KIR2DL1: variants seen among roughly 807,000 people sequenced by gnomAD.
The protein encoded by KIR2DL1 is killer cell immunoglobulin like receptor, two Ig domains and long cytoplasmic tail 1, also known as killer cell immunoglobulin-like receptor 2DL1.
A neutral mutation model predicts 33.9 loss-of-function variants in KIR2DL1; 38 were observed. That is an observed-to-expected ratio of 1.12 (90% CI 0.86 to 1.47). KIR2DL1 has a LOEUF of 1.47. Among genes scored for constraint, KIR2DL1 ranks in the 40% most tolerant of loss-of-function variants. The probability of loss-of-function intolerance (pLI) is 0.00; values close to 1 mark genes in which losing one functional copy is unlikely to be tolerated. For missense variants in KIR2DL1, 531 were observed against 433.9 expected (o/e 1.22, Z -1.99); for synonymous variants, 179 against 165.9 (o/e 1.08, Z -0.61).
chr19:54,777,345 G>A (rs1292191206), intron 4 of KIR2DL1, among the ~76,000 whole-genome samples: 1 of 147,868 alleles, frequency 6.8e-6, no homozygotes, highest in Non-Finnish European at 1.5e-5. Flanking sequence ...CCCACCTCAG[G>A]TTCTCAAAGT....
chr19:54,770,255 T>C (rs1268048790), intron 1 of KIR2DL1, among the ~76,000 whole-genome samples: 1 of 120,412 alleles, frequency 8.3e-6, no homozygotes, highest in Non-Finnish European at 1.7e-5. Flanking sequence ...GGGCCTGAAG[T>C]GGAGACATGG....
chr19:54,780,225 A>T (rs2076792881), intron 5 of KIR2DL1: 1 of 476,756 alleles, frequency 2.1e-6, no homozygotes, highest in South Asian at 2.7e-5. Flanking sequence ...TCAATAATAG[A>T]TAATGCTGAG....
chr19:54,778,172 A>AT (rs2076560996), intron 4 of KIR2DL1, among the ~76,000 whole-genome samples: 1 of 147,850 alleles, frequency 6.8e-6, no homozygotes, highest in Non-Finnish European at 1.5e-5. Flanking sequence ...AGGCAAGAGA[A>AT]TGATTGAACC....
chr19:54,779,057 G>A (rs111588898), intron 5 of KIR2DL1, among the ~76,000 whole-genome samples: 9,741 of 119,154 alleles, frequency 0.082, 11 homozygotes, highest in Middle Eastern at 0.12. Context: ...ATGAGCTCCT[G>A]TAGGTCATGA....
rs1569213110 is a variant in KIR2DL1, at chr19:54,778,618, C to T, written c.671C>T (p.Pro224Leu). The T allele has an allele frequency of 1.3e-6, 2 of 1,567,368 alleles. No homozygotes were observed. Among genetic ancestry groups the T allele is most frequent in the South Asian group, 1.1e-5 (1 of 89,176 alleles). Residue 224 changes from proline to leucine, a missense_variant, in exon 5 of 8, where the codon CCT (proline) becomes CTT (leucine). Pro to Leu is a moderately conservative substitution (Grantham distance 98). Coordinates refer to ENST00000336077, the MANE Select transcript of KIR2DL1 (RefSeq NM_014218.3). The stretch of plus-strand genomic sequence containing the variant: ...CTCCTGTCTCATGTTCTAGGAAACC[C>T]TTCAAATAGTTGGCCTTCACCCACT... ...DPLLVSVTGNPSNSWPSPTEP... is the reference protein window; with the variant it reads ...DPLLVSVTGNLSNSWPSPTEP...
chr19:54,774,584 GATTC>G (rs1419056464), intron 3 of KIR2DL1, among the ~76,000 whole-genome samples: 3 of 148,196 alleles, frequency 2.0e-5, no homozygotes, highest in Non-Finnish European at 3.0e-5. Context: ...ATGATTGATT[GATTC>G]ATTAATAGAT....
intron 4 of KIR2DL1, among the ~76,000 whole-genome samples, chr19:54,777,202 T>C (rs1413370462): frequency 1.3e-5 from 2 of 150,032 alleles, no homozygotes; most frequent in African/African-American, 4.9e-5. Context: ...GCGATTCTCC[T>C]GCCTCAGCCT....
Position 54,771,298 on chromosome 19 carries a change from C to T in KIR2DL1, c.70+414C>T, listed in dbSNP as rs1043419089. 1.6e-4 allele frequency among the ~76,000 whole-genome samples: 24 copies of T among 148,570 alleles called. 3 individuals carry two copies. Among genetic ancestry groups the T allele is most frequent in the African/African-American group, 5.9e-4 (24 of 40,712 alleles). ...ACTCAGTTGTTTATTTTCGTTCAGG[C>T]ATCGGCTGATATTCCATTCTCAAAG... On this transcript the variant is annotated intron_variant, in intron 2 of 7. Transcript: ENST00000336077.
chr19:54,778,551 T>G, intron 4 of KIR2DL1, 61 bp from the exon 5 acceptor site: 1 of 1,437,324 alleles, frequency 7.0e-7, no homozygotes, highest in Non-Finnish European at 9.6e-7. Context: ...CCTCAAAGAT[T>G]TCCACTGAGT....
At chr19:54,776,509 T>A (rs1294831258) in intron 4 of KIR2DL1, among the ~76,000 whole-genome samples, 3 of 146,904 alleles carry the variant, frequency 2.0e-5, no homozygotes, top group African/African-American at 7.4e-5. Context: ...GGTTGACTCC[T>A]CATCTTGGCT....
rs758189106 is a variant in KIR2DL1 at position 54,778,679 on chromosome 19, CTT to C, written c.715+18_715+19del. The C allele has an allele frequency of 2.0e-6, 3 of 1,507,106 alleles. No individual in the cohort carries two copies. Among genetic ancestry groups the C allele is most frequent in the Admixed American group, 3.5e-5 (2 of 56,620 alleles). 93.4% of individuals were successfully genotyped at this position (1,507,106 alleles called of 1,614,324 possible). ...CCAAAACCGGTGAGTACAGAACCCT[CTT>C]ATATCCGCTTTTGGAACCCTGGGGA... On this transcript the variant is annotated intron_variant, in intron 5 of 7. Transcript: ENST00000336077.
intron 1 of KIR2DL1, 25 bp from the exon 2 acceptor site, chr19:54,770,824 C>A (rs781490910): frequency 1.3e-6 from 2 of 1,577,742 alleles, no homozygotes; most frequent in African/African-American, 1.4e-5. Flanking sequence ...GCAGATGGGT[C>A]ATCCATCATG....
In KIR2DL1 at chr19:54,782,953, G is replaced by C; in HGVS notation, c.747G>C (p.Gly249=). 1 of 1,613,664 alleles carries C rather than the reference G, an allele frequency of 6.2e-7. No homozygotes were observed. The highest frequency in any genetic ancestry group is 8.5e-7 in the Non-Finnish European group (1 of 1,179,886). Residue 249 remains glycine (G), a synonymous_variant, in exon 6 of 8, where the codon GGG becomes GGC. Coordinates refer to ENST00000336077, the MANE Select transcript of KIR2DL1 (RefSeq NM_014218.3). ...CCCGACACCTGCACATTCTGATTGG[G>C]ACCTCAGTGGTCATCATCCTCTTCA... ...GNPRHLHILI[G]TSVVIILFIL... is the part of the protein sequence containing the mutation.
chr19:54,775,556 G>A, intron 4 of KIR2DL1, 98 bp downstream of exon 4: 1 of 1,392,044 alleles, frequency 7.2e-7, no homozygotes, highest in Non-Finnish European at 9.9e-7. Flanking sequence ...CAGATGCAGA[G>A]AGAAGACGCA....
intron 6 of KIR2DL1, among the ~76,000 whole-genome samples, chr19:54,783,229 T>A (rs543893135): frequency 6.6e-6 from 1 of 150,744 alleles, no homozygotes. Flanking sequence ...TGTATCCCCA[T>A]GTCCCCTGCA....
intron 1 of KIR2DL1, among the ~76,000 whole-genome samples, chr19:54,770,140 G>A (rs1257502911): frequency 6.8e-6 from 1 of 146,564 alleles, no homozygotes; most frequent in African/African-American, 2.5e-5. Flanking sequence ...AACCTGGAGG[G>A]GAGATAGGAA....
At chr19:54,771,136 C>T (rs1235886893) in intron 2 of KIR2DL1, among the ~76,000 whole-genome samples, 3 of 148,320 alleles carry the variant, frequency 2.0e-5, no homozygotes, top group Admixed American at 6.8e-5. Flanking sequence ...AACAGCAGAT[C>T]CTCTGAGGAC....
chr19:54,777,248 G>A (rs2736417), intron 4 of KIR2DL1, among the ~76,000 whole-genome samples: 2 of 149,164 alleles, frequency 1.3e-5, no homozygotes, highest in East Asian at 1.9e-4. Flanking sequence ...ACGCCACCAC[G>A]CCCTACTAAT....
rs2147663462 is a variant in KIR2DL1, at chr19:54,783,031, T to A, written c.817+8T>A. 3 of 1,612,508 alleles carry A rather than the reference T, an allele frequency of 1.9e-6. No homozygotes were observed. In the East Asian group the frequency reaches 6.7e-5, roughly 36 times the overall value. ...GGTGCTCCAACAAAAAAAGTAAGTC[T>A]CACGAAGCAGAGGCCAGAGAGCTCA... On this transcript the variant is annotated splice_region_variant and intron_variant, in intron 6 of 7. Coordinates refer to ENST00000336077, the MANE Select transcript of KIR2DL1 (RefSeq NM_014218.3).
Sources: gnomAD v4.1 joint callset for allele counts (sites outside exome capture counted in the v4.1 genomes callset) on GRCh38, gnomAD v4.1.1 for gene constraint, MANE v1.5 for transcripts, NCBI Gene and HGNC (gene_info 2026-07-23, HGNC 2026-07-21) for gene names.